LYRM4: variants seen among roughly 807,000 people sequenced by gnomAD.
The protein encoded by LYRM4 is LYR motif-containing protein 4.
A neutral mutation model predicts 11.7 loss-of-function variants in LYRM4; 9 were observed. The ratio of observed to expected loss-of-function variants is 0.77; its 90% confidence interval spans 0.46 to 1.34. The LOEUF (loss-of-function observed/expected upper bound fraction) is 1.34. LYRM4 is among the 40% of genes most tolerant of loss of function. LYRM4 has a pLI of 0.00. For missense variants in LYRM4, 133 were observed against 112.5 expected, an observed-to-expected ratio of 1.18 and a Z score of -0.82; for synonymous variants, 42 against 40.4, an observed-to-expected ratio of 1.04 and a Z score of -0.15.
intron 2 of LYRM4, among the ~76,000 whole-genome samples, chr6:5,122,916 C>G (rs1462170841): frequency 6.6e-6 from 1 of 152,248 alleles, no homozygotes; most frequent in East Asian, 1.9e-4. Flanking sequence ...TTCCTCTGCT[C>G]ACCTCCCTCA....
In LYRM4 at chr6:5,127,712, G is replaced by A. The variant is rs530439150; in HGVS notation, c.208-18221C>T. On this transcript the variant is annotated intron_variant, in intron 2 of 2. Transcript: ENST00000330636. The stretch of plus-strand genomic sequence containing the variant: ...ATTGTTATTAGAATTAATTTTGCCT[G>A]TTCTTTTTTGCTTTTTAAAATGTGG... Among the ~76,000 whole-genome samples, 4 of 152,248 alleles carry A rather than the reference G, an allele frequency of 2.6e-5. No homozygotes were observed. In the South Asian group the frequency reaches 8.3e-4, roughly 32 times the overall value.
chr6:5,239,891 T>C (rs1175571460), intron 1 of LYRM4, among the ~76,000 whole-genome samples: 1 of 151,984 alleles, frequency 6.6e-6, no homozygotes. Context: ...ACCACCCCCA[T>C]AGGGAACAGT....
intron 2 of LYRM4, among the ~76,000 whole-genome samples, chr6:5,131,103 T>C (rs1048367177): frequency 5.3e-5 from 8 of 152,162 alleles, no homozygotes; most frequent in African/African-American, 7.2e-5. Context: ...CGGGTATATA[T>C]GCGGGGGAAA....
the LYRM4 span, among the ~76,000 whole-genome samples, chr6:5,049,290 C>T: frequency 6.6e-5 from 10 of 152,112 alleles, no homozygotes; most frequent in Non-Finnish European, 1.0e-4. Context: ...TGAGGATGGG[C>T]GGATGGGCTC....
Position 5,245,141 on chromosome 6 carries a change from T to A in LYRM4, c.86+15507A>T, listed in dbSNP as rs1477840396. 7.8e-4 allele frequency among the ~76,000 whole-genome samples: 67 copies of A among 85,454 alleles called. 4 individuals carry two copies. The highest frequency in any genetic ancestry group is 0.013 in the Middle Eastern group (2 of 158). 56.1% of individuals were successfully genotyped at this position (85,454 alleles called of 152,430 possible). ...ATATATATATATATATATATATATATATATATATATATATATATATATAAA... is the reference window on the plus strand; with the variant it reads ...ATATATATATATATATATATATATAAATATATATATATATATATATATAAA... On this transcript the variant is annotated intron_variant, in intron 1 of 2. Transcript: ENST00000330636.
rs369769991 is a variant in LYRM4 at position 5,216,121 on chromosome 6, A to T, written c.207+497T>A. On this transcript the variant is annotated intron_variant, in intron 2 of 2. Transcript: ENST00000330636. ...ACCCTCCAGGTTCCTTTATGGGGTCAGCACCCAAGCAGCTGTACTTTACAC... is the reference window on the plus strand; with the variant it reads ...ACCCTCCAGGTTCCTTTATGGGGTCTGCACCCAAGCAGCTGTACTTTACAC... Among the ~76,000 whole-genome samples the T allele has an allele frequency of 2.9e-4, 44 of 152,192 alleles. 1 individual carries two copies. The highest frequency in any genetic ancestry group is 2.9e-3 in the East Asian group (15 of 5,200).
At chr6:5,057,647 G>T in the LYRM4 span, among the ~76,000 whole-genome samples, 1 of 151,472 alleles carries the variant, frequency 6.6e-6, no homozygotes, top group East Asian at 2.0e-4. Flanking sequence ...CCTGGGAGGC[G>T]GAGGTTGTAG....
chr6:5,174,513 G>A lies in LYRM4; in HGVS notation c.207+42105C>T, dbSNP rs183645813. Among the ~76,000 whole-genome samples, 327 of 152,294 alleles carry A rather than the reference G, an allele frequency of 2.1e-3. 2 individuals carry two copies. Among genetic ancestry groups the A allele is most frequent in the African/African-American group, 6.9e-3 (286 of 41,568 alleles). On this transcript the variant is annotated intron_variant, in intron 2 of 2. Coordinates refer to ENST00000330636, the MANE Select transcript of LYRM4 (RefSeq NM_020408.6). Reference sequence around the variant, plus strand: ...AAAATGAAAGGGGAGAGTACTCAGCGCGTCGCATCCTGTTTGGTGTCACTA... The same window carrying A: ...AAAATGAAAGGGGAGAGTACTCAGCACGTCGCATCCTGTTTGGTGTCACTA...
At chr6:5,100,400 C>T (rs1326423038), downstream of LYRM4, among the ~76,000 whole-genome samples, 6 of 152,348 alleles carry the variant, frequency 3.9e-5, no homozygotes, top group East Asian at 1.2e-3. Flanking sequence ...GCGGATTTCT[C>T]TTCTCCCCTG....
intron 2 of LYRM4, among the ~76,000 whole-genome samples, chr6:5,140,174 G>A (rs1757326929): frequency 6.6e-6 from 1 of 150,700 alleles, no homozygotes; most frequent in Admixed American, 6.6e-5. Flanking sequence ...GCTGCAGTGA[G>A]CCGTGATCGC....
the LYRM4 span, among the ~76,000 whole-genome samples, chr6:5,052,037 CCCAGCACCA>C: frequency 6.6e-6 from 1 of 152,264 alleles, no homozygotes; most frequent in Admixed American, 6.5e-5. Flanking sequence ...GGCCTCACTT[CCCAGCACCA>C]CCACACCAGG....
chr6:5,188,610 CT>C (rs1760562314), intron 2 of LYRM4, among the ~76,000 whole-genome samples: 1 of 152,118 alleles, frequency 6.6e-6, no homozygotes, highest in African/African-American at 2.4e-5. Context: ...AACTTGGCTC[CT>C]TTACTTACTA....
At chr6:5,245,148 ATATATATATATAT>A (rs1561899164) in intron 1 of LYRM4, among the ~76,000 whole-genome samples, 2 of 104,190 alleles carry the variant, frequency 1.9e-5, no homozygotes, top group African/African-American at 7.0e-5. Context: ...ATATATATAT[ATATATATATATAT>A]ATAAAATAGG....
intron 2 of LYRM4, among the ~76,000 whole-genome samples, chr6:5,125,920 G>T (rs1763678624): frequency 6.6e-6 from 1 of 152,210 alleles, no homozygotes; most frequent in South Asian, 2.1e-4. Context: ...TCAGCATCAA[G>T]ACAAAGGGAC....
the LYRM4 span, among the ~76,000 whole-genome samples, chr6:5,039,722 CCA>C: frequency 6.6e-6 from 1 of 152,032 alleles, no homozygotes; most frequent in Admixed American, 6.6e-5. Flanking sequence ...GTCAAACTCC[CCA>C]CAGAGTTTTA....
At chr6:5,102,960 C>A (rs1581270764), downstream of LYRM4, 1 of 152,324 alleles carries the variant, frequency 6.6e-6, no homozygotes, top group East Asian at 1.9e-4. Flanking sequence ...TCTTTGAAGT[C>A]AAAACTCTGC....
the LYRM4 span, among the ~76,000 whole-genome samples, chr6:5,050,998 G>A: frequency 2.0e-5 from 3 of 152,056 alleles, no homozygotes; most frequent in Admixed American, 6.5e-5. Flanking sequence ...ACACAAAAAG[G>A]AACTAAAGGA....
chr6:5,184,086 T>C (rs1432051712), intron 2 of LYRM4, among the ~76,000 whole-genome samples: 1 of 152,244 alleles, frequency 6.6e-6, no homozygotes, highest in African/African-American at 2.4e-5. Context: ...TACTTTTTTT[T>C]TCTTGTGTAT....
intron 2 of LYRM4, among the ~76,000 whole-genome samples, chr6:5,110,670 A>G (rs1253448615): frequency 2.6e-5 from 4 of 152,192 alleles, no homozygotes; most frequent in Admixed American, 2.0e-4. Flanking sequence ...GTATTTTTAA[A>G]TGCAAGTGAA....
Sources: gnomAD v4.1 joint callset for allele counts (sites outside exome capture counted in the v4.1 genomes callset) on GRCh38, gnomAD v4.1.1 for gene constraint, MANE v1.5 for transcripts, NCBI Gene and HGNC (gene_info 2026-07-23, HGNC 2026-07-21) for gene names.